MIOX: variants seen among roughly 807,000 people sequenced by gnomAD.
MIOX encodes inositol oxygenase.
MIOX carries 51 observed loss-of-function variants against 42.7 expected under a neutral mutation model. The observed-to-expected ratio is 1.19, with a 90% CI of 0.95 to 1.51. The LOEUF (loss-of-function observed/expected upper bound fraction) is 1.51, where lower values mean the gene tolerates loss of function less well. MIOX is among the 40% of genes most tolerant of loss of function. MIOX has a pLI of 0.00. For missense variants in MIOX, 395 were observed against 381.3 expected (o/e 1.04, Z -0.30); for synonymous variants, 168 against 154.4 (o/e 1.09, Z -0.65).
chr22:50,490,042 T>C lies in MIOX; in HGVS notation c.*186T>C. 1 of 610,428 alleles carries C rather than the reference T, an allele frequency of 1.6e-6. No individual in the cohort carries two copies. Among genetic ancestry groups the C allele is most frequent in the Non-Finnish European group, 2.9e-6 (1 of 343,402 alleles). The allele number at this position is 610,428 out of a possible 1,614,324, so 37.8% of individuals were successfully genotyped here. ...TCAATAAAGACCTGGAAGGATGTTG[T>C]GCTTCTGAAGCCCCACTGGGTGTTA... On this transcript the variant is annotated 3_prime_UTR_variant, in exon 10 of 10. Coordinates refer to ENST00000216075, the MANE Select transcript of MIOX (RefSeq NM_017584.6).
chr22:50,489,032 C>T lies in MIOX; in HGVS notation c.409-8C>T, dbSNP rs762831490. The T allele has an allele frequency of 1.1e-5, 17 of 1,602,958 alleles. No homozygotes were observed. In the South Asian group the frequency reaches 1.4e-4, roughly 14 times the overall value. On this transcript the variant is annotated splice_region_variant and splice_polypyrimidine_tract_variant and intron_variant, in intron 5 of 9. Coordinates refer to ENST00000216075, the MANE Select transcript of MIOX (RefSeq NM_017584.6). ...CCATGGCCTCCCGTCCCTCCTGTCC[C>T]TCTGCAGTGGGCTGTCGTCGGCGAC...
chr22:50,489,184 C>T, intron 6 of MIOX, 35 bp downstream of exon 6: 1 of 1,612,116 alleles, frequency 6.2e-7, no homozygotes, highest in South Asian at 1.1e-5. Flanking sequence ...GCCCCCTTCC[C>T]TGGGCGGCTG....
At chr22:50,488,109 C>T in intron 4 of MIOX, 61 bp downstream of exon 4, 5 of 1,605,434 alleles carry the variant, frequency 3.1e-6, no homozygotes, top group Non-Finnish European at 4.3e-6. Flanking sequence ...AATGCAGCAG[C>T]CTGTAGGGTG....
intron 7 of MIOX, 44 bp downstream of exon 7, chr22:50,489,339 G>T (rs1193735585): frequency 1.4e-6 from 2 of 1,448,068 alleles, no homozygotes; most frequent in South Asian, 2.7e-5. Flanking sequence ...GGCGGTGGGG[G>T]ACGGTGGGGG....
intron 8 of MIOX, 26 bp downstream of exon 8, chr22:50,489,472 C>T (rs545086908): frequency 1.2e-6 from 2 of 1,609,074 alleles, no homozygotes; most frequent in East Asian, 2.2e-5. Context: ...GGCAACGCAG[C>T]CCGTCCACCA....
At chr22:50,489,002 T>TC (rs1460536599) in intron 5 of MIOX, 38 bp from the exon 6 acceptor site, 2 of 1,097,512 alleles carry the variant, frequency 1.8e-6, no homozygotes, top group Non-Finnish European at 1.2e-6. Flanking sequence ...CTTCCCCCAC[T>TC]CCCCCCATGG....
chr22:50,487,835 T>C, intron 3 of MIOX, 51 bp from the exon 4 acceptor site: 3 of 1,611,786 alleles, frequency 1.9e-6, no homozygotes, highest in Non-Finnish European at 1.7e-6. Flanking sequence ...GAGAGGCCTG[T>C]GTGGTGGGCC....
At chr22:50,488,220 A>G (rs1170823518) in intron 4 of MIOX, 55 bp from the exon 5 acceptor site, 1 of 1,610,526 alleles carries the variant, frequency 6.2e-7, no homozygotes, top group Non-Finnish European at 8.5e-7. Context: ...AAACCTGCTC[A>G]TCCTCTGCCT....
At position 50,487,264 on chromosome 22, in the gene MIOX, G is replaced by A. The variant is rs552680831; in HGVS notation, c.16-121G>A. The A allele has an allele frequency of 5.3e-4, 438 of 827,912 alleles. 6 individuals carry two copies. In the South Asian group the frequency reaches 6.9e-3, roughly 13 times the overall value. The allele number at this position is 827,912 out of a possible 1,614,324, so 51.3% of individuals were successfully genotyped here. A position where few individuals can be genotyped will look rare whatever the true frequency, so the allele number is the denominator to read the frequency against. Reference sequence around the variant, plus strand: ...GGCGTGGGAGAGGCTGTGTCCTCGCGTGTCACCCACCAGCCCTCGAGCAGA... The same window carrying A: ...GGCGTGGGAGAGGCTGTGTCCTCGCATGTCACCCACCAGCCCTCGAGCAGA... On this transcript the variant is annotated intron_variant, in intron 1 of 9. Transcript: ENST00000216075.
rs184316001 is a variant in MIOX, at chr22:50,487,336, C to T, written c.16-49C>T. 270 of 1,489,572 alleles carry T rather than the reference C, an allele frequency of 1.8e-4. 1 individual carries two copies. Among genetic ancestry groups the T allele is most frequent in the Admixed American group, 3.5e-4 (19 of 54,434 alleles). 92.3% of individuals were successfully genotyped at this position (1,489,572 alleles called of 1,614,324 possible). The stretch of plus-strand genomic sequence containing the variant: ...CACCCTGGGAATGTCTGTGCTTCCT[C>T]GTGGAGCTGACATGATGGTGAAATA... On this transcript the variant is annotated intron_variant, in intron 1 of 9. Transcript: ENST00000216075.
intron 2 of MIOX, 26 bp from the exon 3 acceptor site, chr22:50,487,636 G>T (rs1490713863): frequency 6.2e-7 from 1 of 1,605,640 alleles, no homozygotes; most frequent in African/African-American, 1.3e-5. Flanking sequence ...GGGTGGGGGT[G>T]GCGCCACTGA....
chr22:50,487,418 G>A lies in MIOX; in HGVS notation c.49G>A (p.Val17Met), dbSNP rs1328993377. 1 of 1,613,950 alleles carries A rather than the reference G, an allele frequency of 6.2e-7. No homozygotes were observed. The highest frequency in any genetic ancestry group is 2.2e-5 in the East Asian group (1 of 44,884). The change falls in exon 2 of 10, where the codon GTG becomes ATG. Residue 17 changes from valine (V) to methionine (M), a missense_variant. Physicochemically the swap from Val to Met is conservative, Grantham distance 21. Transcript: ENST00000216075. Reference sequence around the variant, plus strand: ...CCCTTCCCTGGTCTACCGACCTGATGTGGACCCAGAGGTGGCCAAAGACAA... The same window carrying A: ...CCCTTCCCTGGTCTACCGACCTGATATGGACCCAGAGGTGGCCAAAGACAA... ...PDPSLVYRPD[V>M]DPEVAKDKAS...
rs769672773 is a variant in MIOX at position 50,487,941 on chromosome 22, A to G, written c.233A>G (p.Asp78Gly). The G allele has an allele frequency of 6.2e-7, 1 of 1,613,994 alleles. No individual in the cohort carries two copies. Among genetic ancestry groups the G allele is most frequent in the South Asian group, 1.1e-5 (1 of 91,080 alleles). Residue 78 changes from aspartate to glycine, a missense_variant, in exon 4 of 10, where the codon GAC becomes GGC. Coordinates refer to ENST00000216075, the MANE Select transcript of MIOX (RefSeq NM_017584.6). ...YKKMTVMEAV[D>G]LLDGLVDESD... ...AAAATGACAGTCATGGAGGCCGTGG[A>G]CCTGCTGGATGGGCTGGTGGATGAG...
At position 50,487,538 on chromosome 22, in the gene MIOX, G is replaced by A. The variant is rs1245257375; in HGVS notation, c.96+73G>A. On this transcript the variant is annotated intron_variant, in intron 2 of 9. Transcript: ENST00000216075. ...GGGAGCAGCACTTGCCCTTCACACA[G>A]TTCCAGGGGGTGCCCTGTGGGAACT... The A allele has an allele frequency of 1.9e-6, 3 of 1,555,402 alleles. No individual in the cohort carries two copies. The South Asian group carries it at 3.5e-5, about 18-fold the overall frequency.
chr22:50,487,587 G>A, intron 2 of MIOX, 75 bp from the exon 3 acceptor site: 1 of 1,560,852 alleles, frequency 6.4e-7, no homozygotes, highest in Non-Finnish European at 8.8e-7. Context: ...CACCCTGTGG[G>A]GCTGCCTGGG....
rs2148636991 is a variant in MIOX at position 50,489,137 on chromosome 22, A to T, written c.506A>T (p.Asp169Val). ...STFQDNPDLQ[D>V]PRYSTELGMY... is the part of the protein sequence containing the mutation. ...TTCCAGGACAACCCTGACCTCCAGGATCCTCGATACAGGTGCTCCCTGCTG... is the reference window on the plus strand; with the variant it reads ...TTCCAGGACAACCCTGACCTCCAGGTTCCTCGATACAGGTGCTCCCTGCTG... The change falls in exon 6 of 10, where the codon GAT becomes GTT. Residue 169 changes from aspartate to valine, a missense_variant. By Grantham distance (152) the Asp-to-Val change is radical (BLOSUM62 -3). Transcript: ENST00000216075. 2 of 1,613,280 alleles carry T rather than the reference A, an allele frequency of 1.2e-6. No individual in the cohort carries two copies. Among genetic ancestry groups the T allele is most frequent in the South Asian group, 2.2e-5 (2 of 91,062 alleles).
intron 1 of MIOX, among the ~76,000 whole-genome samples, chr22:50,487,154 G>A (rs987472985): frequency 1.3e-5 from 2 of 152,206 alleles, no homozygotes; most frequent in Admixed American, 6.5e-5. Flanking sequence ...GGAAGCAGAC[G>A]TCTGCTGACT....
rs142216896 is a variant in MIOX at position 50,486,908 on chromosome 22, C to T, written c.11C>T (p.Thr4Met). The change falls in exon 1 of 10, where the codon ACG becomes ATG. Residue 4 changes from threonine (T) to methionine (M), a missense_variant. By Grantham distance (81) the Thr-to-Met change is moderately conservative. Transcript: ENST00000216075. MKV[T>M]VGPDPSLVYR... is the part of the protein sequence containing the mutation. ...CCGCTCCCTCTCAGGATGAAGGTGA[C>T]GGTGGTGAGTACCCAGACCCCATGC... 5.8e-5 allele frequency: 93 copies of T among 1,613,740 alleles called. No homozygotes were observed. Among genetic ancestry groups the T allele is most frequent in the Middle Eastern group, 1.6e-4 (1 of 6,082 alleles).
At chr22:50,489,487 C>G (rs200530482) in intron 8 of MIOX, 41 bp downstream of exon 8, 5 of 1,610,586 alleles carry the variant, frequency 3.1e-6, no homozygotes, top group Non-Finnish European at 3.4e-6. Context: ...CCACCAGGCC[C>G]GGTCCTGCAG....
Sources: allele counts gnomAD v4.1 joint callset (sites outside exome capture counted in the v4.1 genomes callset), GRCh38; gene constraint gnomAD v4.1.1; transcripts MANE v1.5; gene names NCBI Gene and HGNC (gene_info 2026-07-23, HGNC 2026-07-21).